FAT4: variants seen among roughly 807,000 people sequenced by gnomAD.
FAT4 encodes the protein FAT atypical cadherin 4.
FAT4 carries 84 observed loss-of-function variants against 303.9 expected under a neutral mutation model. The ratio of observed to expected loss-of-function variants is 0.28; its 90% CI spans 0.23 to 0.33. The LOEUF (loss-of-function observed/expected upper bound fraction) is 0.33. Ranked by LOEUF, FAT4 falls within the 10% of genes least tolerant of loss-of-function variation. FAT4 has a pLI of 1.00. For synonymous variants in FAT4, 2,307 were observed against 2,298.8 expected (o/e 1.00, Z -0.10); for missense variants, 6,005 against 6,146.8 (o/e 0.98, Z 0.77).
intron 2 of FAT4, among the ~76,000 whole-genome samples, chr4:125,343,009 T>C (rs1731855325): frequency 6.6e-6 from 1 of 152,148 alleles, no homozygotes; most frequent in Non-Finnish European, 1.5e-5. Flanking sequence ...TTTATAAGTG[T>C]TTTAATAACT....
chr4:125,464,662 TC>T (rs1341127609), intron 11 of FAT4, among the ~76,000 whole-genome samples: 1 of 152,046 alleles, frequency 6.6e-6, no homozygotes, highest in African/African-American at 2.4e-5. Flanking sequence ...ATGCTATCCC[TC>T]CCCCCTTCCC....
In FAT4 at chr4:125,317,584, C is replaced by A; in HGVS notation, c.1173C>A (p.Asn391Lys). The A allele has an allele frequency of 6.2e-7, 1 of 1,613,872 alleles. No homozygotes were observed. Among genetic ancestry groups the A allele is most frequent in the Non-Finnish European group, 8.5e-7 (1 of 1,179,952 alleles). The change falls in exon 2 of 18, where the codon AAC becomes AAA. Residue 391 changes from asparagine to lysine, a missense_variant. Transcript: ENST00000394329. The surrounding 1 kb of genome is among the most constrained non-coding windows in gnomAD (Gnocchi z 7.0). Reference sequence around the variant, plus strand: ...CGGACGCAGATTCTCCCGCGGCCAACGGGAACATCTCCGTGCAAATTCTCG... The same window carrying A: ...CGGACGCAGATTCTCCCGCGGCCAAAGGGAACATCTCCGTGCAAATTCTCG... The part of the protein sequence containing the change: ...TVTDADSPAA[N>K]GNISVQILGG...
intron 8 of FAT4, among the ~76,000 whole-genome samples, chr4:125,437,178 C>T (rs1725484541): frequency 6.6e-6 from 1 of 151,876 alleles, no homozygotes; most frequent in South Asian, 2.1e-4. Context: ...TATTACAATT[C>T]AGGGTGAGAT....
At chr4:125,326,872 A>G (rs1181505173) in intron 2 of FAT4, among the ~76,000 whole-genome samples, 1 of 152,126 alleles carries the variant, frequency 6.6e-6, no homozygotes, top group African/African-American at 2.4e-5. Flanking sequence ...TAAAAATACA[A>G]AAATTTGCCG....
chr4:125,403,604 A>T (rs1734471580), intron 3 of FAT4, among the ~76,000 whole-genome samples: 1 of 151,598 alleles, frequency 6.6e-6, no homozygotes, highest in Non-Finnish European at 1.5e-5. Context: ...CCTCATTCCC[A>T]AATCTCTAAT....
intron 2 of FAT4, among the ~76,000 whole-genome samples, chr4:125,369,325 A>G (rs1183128250): frequency 2.0e-5 from 3 of 152,274 alleles, no homozygotes; most frequent in South Asian, 4.1e-4. Flanking sequence ...CCAGTTACTC[A>G]GGAGGCTGAG....
intron 2 of FAT4, among the ~76,000 whole-genome samples, chr4:125,362,228 A>G (rs1732702455): frequency 6.6e-6 from 1 of 152,168 alleles, no homozygotes; most frequent in African/African-American, 2.4e-5. Context: ...TTACACATAA[A>G]CATTTTTTTT....
intron 2 of FAT4, among the ~76,000 whole-genome samples, chr4:125,385,563 G>A (rs1352537209): frequency 1.3e-5 from 2 of 151,978 alleles, no homozygotes; most frequent in East Asian, 1.9e-4. Context: ...TGATGTCATA[G>A]GATACTTTGA....
At chr4:125,426,505 A>C (rs1051928745) in intron 7 of FAT4, among the ~76,000 whole-genome samples, 1 of 152,002 alleles carries the variant, frequency 6.6e-6, no homozygotes, top group African/African-American at 2.4e-5. Flanking sequence ...AATTCCTCTT[A>C]TTTGTAGCAG....
chr4:125,330,284 A>G (rs1472637886), intron 2 of FAT4, among the ~76,000 whole-genome samples: 1 of 151,990 alleles, frequency 6.6e-6, no homozygotes, highest in African/African-American at 2.4e-5. Flanking sequence ...TATTGTAACT[A>G]TCCCCTCATG....
intron 7 of FAT4, 117 bp downstream of exon 7, chr4:125,416,739 A>G: frequency 2.1e-6 from 2 of 946,464 alleles, no homozygotes; most frequent in Non-Finnish European, 3.2e-6. Flanking sequence ...TGAGGTCGGG[A>G]GTTCAAGACC....
At chr4:125,453,968 G>T (rs1238895916) in intron 10 of FAT4, among the ~76,000 whole-genome samples, 1 of 152,148 alleles carries the variant, frequency 6.6e-6, no homozygotes, top group East Asian at 1.9e-4. Flanking sequence ...GTTAATCAGT[G>T]GTTGATGTTC....
chr4:125,354,972 T>G (rs1459798399), intron 2 of FAT4, among the ~76,000 whole-genome samples: 1 of 151,826 alleles, frequency 6.6e-6, no homozygotes, highest in Non-Finnish European at 1.5e-5. Flanking sequence ...ATTTATATTA[T>G]GACAGTTTTT....
At chr4:125,400,060 C>T (rs1269804496) in intron 3 of FAT4, among the ~76,000 whole-genome samples, 1 of 151,724 alleles carries the variant, frequency 6.6e-6, no homozygotes, top group East Asian at 1.9e-4. Context: ...GCAGCAATAA[C>T]AAAAAACTCA....
At chr4:125,405,980 G>A (rs879742627) in intron 3 of FAT4, among the ~76,000 whole-genome samples, 1 of 151,974 alleles carries the variant, frequency 6.6e-6, no homozygotes, top group Admixed American at 6.6e-5. Flanking sequence ...CCCATAGATT[G>A]CCTTTTCATT....
intron 2 of FAT4, among the ~76,000 whole-genome samples, chr4:125,385,335 T>G (rs1733705232): frequency 6.6e-6 from 1 of 152,124 alleles, no homozygotes; most frequent in African/African-American, 2.4e-5. Context: ...TTTTAGAAAC[T>G]TCTTGGTCAT....
chr4:125,442,606 A>G (rs1020069088), intron 8 of FAT4, among the ~76,000 whole-genome samples: 36 of 152,276 alleles, frequency 2.4e-4, no homozygotes, highest in Middle Eastern at 6.8e-3. Flanking sequence ...CAAAAATATT[A>G]GATAAAATTA....
chr4:125,412,129 GA>G (rs1030308572), intron 5 of FAT4, among the ~76,000 whole-genome samples: 19 of 151,544 alleles, frequency 1.3e-4, no homozygotes, highest in Non-Finnish European at 2.1e-4. Flanking sequence ...TGAAAAAATA[GA>G]AAAAAATGGT....
chr4:125,473,074 A>G (rs1273798630), intron 12 of FAT4, among the ~76,000 whole-genome samples: 1 of 152,130 alleles, frequency 6.6e-6, no homozygotes, highest in African/African-American at 2.4e-5. Flanking sequence ...CAACATTCCA[A>G]AAATGTTGTC....
Sources: gnomAD v4.1 joint callset for allele counts (sites outside exome capture counted in the v4.1 genomes callset) on GRCh38, gnomAD v4.1.1 for gene constraint, Gnocchi (gnomAD v3.1) non-coding constraint, MANE v1.5 for transcripts, NCBI Gene and HGNC (gene_info 2026-07-23, HGNC 2026-07-21) for gene names.